Variants in CBL observed in about 807,000 individuals in gnomAD.
The protein encoded by CBL is Cbl proto-oncogene.
A neutral mutation model predicts 96.9 loss-of-function variants in CBL; 45 were observed. That is an observed-to-expected ratio of 0.46 (90% CI 0.37 to 0.60). The LOEUF is 0.60. CBL is among the 20% of genes least tolerant of loss of function. The pLI is 0.00. For synonymous variants in CBL, 420 were observed against 426.8 expected, an observed-to-expected ratio of 0.98 and a Z score of 0.20; for missense variants, 1,024 against 1,143.5, an observed-to-expected ratio of 0.90 and a Z score of 1.51.
intron 2 of CBL, among the ~76,000 whole-genome samples, chr11:119,233,421 A>T (rs748469085): frequency 6.6e-6 from 1 of 151,966 alleles, no homozygotes; most frequent in Non-Finnish European, 1.5e-5. Flanking sequence ...TTTAGTAGAG[A>T]TGGGGTTTCA....
chr11:119,219,793 C>T (rs1343689727), intron 1 of CBL, among the ~76,000 whole-genome samples: 3 of 151,684 alleles, frequency 2.0e-5, no homozygotes, highest in Non-Finnish European at 4.4e-5. Context: ...AAGTGATTCT[C>T]CTGCCTCAGC....
intron 2 of CBL, among the ~76,000 whole-genome samples, chr11:119,244,889 C>T (rs1305841485): frequency 6.6e-6 from 1 of 151,802 alleles, no homozygotes; most frequent in Non-Finnish European, 1.5e-5. Context: ...CTTTGTCACA[C>T]AAGACTGGAG....
chr11:119,208,392 CT>C lies in CBL; in HGVS notation c.195+1793del, dbSNP rs1219956349. 9.9e-3 allele frequency among the ~76,000 whole-genome samples: 1,417 copies of C among 143,240 alleles called. 15 individuals carry two copies. Among genetic ancestry groups the C allele is most frequent in the African/African-American group, 0.029 (1,158 of 39,332 alleles). 94.0% of individuals were successfully genotyped at this position (143,240 alleles called of 152,430 possible). On this transcript the variant is annotated intron_variant, in intron 1 of 15. Coordinates refer to ENST00000264033, the MANE Select transcript of CBL (RefSeq NM_005188.4). ...CTAAAGAGTTTCTGTATTCTGTATT[CT>C]TTTTTTTTTTTTGAGACGGAGTTTT...
intron 12 of CBL, among the ~76,000 whole-genome samples, chr11:119,292,918 A>G (rs544466678): frequency 2.0e-5 from 3 of 152,252 alleles, no homozygotes; most frequent in Admixed American, 2.0e-4. Flanking sequence ...TTGAAAGTGC[A>G]TTTTGACTTA....
At position 119,297,446 on chromosome 11, in the gene CBL, C is replaced by T. The variant is rs2227986; in HGVS notation, c.2216C>T (p.Ser739Phe). The T allele has an allele frequency of 2.7e-4, 439 of 1,613,272 alleles. 4 individuals are homozygous for T. Among genetic ancestry groups the T allele is most frequent in the South Asian group, 2.1e-3 (194 of 91,016 alleles). ...CTYEAMYNIQ[S>F]QAPSITESST... ...TATGAAGCAATGTATAATATTCAGTCCCAGGCGCCATCTATCACCGAGAGC... is the reference window on the plus strand; with the variant it reads ...TATGAAGCAATGTATAATATTCAGTTCCAGGCGCCATCTATCACCGAGAGC... The change falls in exon 14 of 16, where the codon TCC becomes TTC. Residue 739 changes from serine (S) to phenylalanine (F), a missense_variant. Coordinates refer to ENST00000264033, the MANE Select transcript of CBL (RefSeq NM_005188.4).
intron 1 of CBL, among the ~76,000 whole-genome samples, chr11:119,230,312 C>T (rs1949492431): frequency 1.3e-5 from 2 of 152,140 alleles, no homozygotes; most frequent in South Asian, 4.2e-4. Flanking sequence ...GCCACCACGC[C>T]CGGCTAATTT....
At chr11:119,236,343 T>G (rs975195524) in intron 2 of CBL, among the ~76,000 whole-genome samples, 5 of 151,096 alleles carry the variant, frequency 3.3e-5, no homozygotes, top group Non-Finnish European at 7.4e-5. Context: ...CCTTTTGTGG[T>G]TTTTTTTTGT....
rs1459386499 is a variant in CBL at position 119,304,931 on chromosome 11, TC to T, written c.*5151del. 4.1e-5 allele frequency: 8 copies of T among 197,058 alleles called. No homozygotes were observed. The highest frequency in any genetic ancestry group is 3.0e-4 in the Admixed American group (5 of 16,484). 12.2% of individuals were successfully genotyped at this position (197,058 alleles called of 1,614,324 possible). On this transcript the variant is annotated 3_prime_UTR_variant, in exon 16 of 16. Coordinates refer to ENST00000264033, the MANE Select transcript of CBL (RefSeq NM_005188.4). ...TGAGCCACCGCGCCCGGCCCATACT[TC>T]GTATTCTTAAAAAAAACTACACTCA...
rs1027364028 is a variant in CBL at position 119,306,309 on chromosome 11, T to C, written c.*6528T>C. ...ACAGAGCAAAGCCCAAAAGCCAACC[T>C]CAGATCTCCTGATTTGGCAGCTGAA... On this transcript the variant is annotated 3_prime_UTR_variant, in exon 16 of 16. Coordinates refer to ENST00000264033, the MANE Select transcript of CBL (RefSeq NM_005188.4). The C allele has an allele frequency of 2.3e-5, 9 of 398,460 alleles. No individual in the cohort carries two copies. The highest frequency in any genetic ancestry group is 1.3e-4 in the Admixed American group (3 of 22,718). The allele number at this position is 398,460 out of a possible 1,614,324, so 24.7% of individuals were successfully genotyped here. A position where few individuals can be genotyped will look rare whatever the true frequency, so the allele number is the denominator to read the frequency against.
At chr11:119,288,441 T>C (rs1241071162) in intron 12 of CBL, among the ~76,000 whole-genome samples, 2 of 151,706 alleles carry the variant, frequency 1.3e-5, no homozygotes, top group Non-Finnish European at 2.9e-5. Context: ...CATCTCACTA[T>C]GTCCTTACAT....
intron 2 of CBL, among the ~76,000 whole-genome samples, chr11:119,242,488 A>G (rs1318827134): frequency 6.8e-6 from 1 of 147,650 alleles, no homozygotes; most frequent in Non-Finnish European, 1.5e-5. Context: ...CAGTGAGCCA[A>G]GATTGCACCA....
At chr11:119,247,176 T>C (rs1949637517) in intron 2 of CBL, among the ~76,000 whole-genome samples, 1 of 152,180 alleles carries the variant, frequency 6.6e-6, no homozygotes, top group Admixed American at 6.5e-5. Context: ...CATCATTCTT[T>C]CAAGTAAAAA....
chr11:119,218,869 T>G (rs558868178), intron 1 of CBL, among the ~76,000 whole-genome samples: 1 of 152,192 alleles, frequency 6.6e-6, no homozygotes, highest in African/African-American at 2.4e-5. Flanking sequence ...AAGAAAAAAC[T>G]CATATTCCGA....
At chr11:119,261,391 T>G (rs563197477) in intron 2 of CBL, among the ~76,000 whole-genome samples, 77 of 152,350 alleles carry the variant, frequency 5.1e-4, no homozygotes, top group African/African-American at 1.8e-3. Context: ...AATCGATGTC[T>G]AAGTTACATA....
At chr11:119,239,699 T>C (rs1949570814) in intron 2 of CBL, among the ~76,000 whole-genome samples, 1 of 152,196 alleles carries the variant, frequency 6.6e-6, no homozygotes, top group African/African-American at 2.4e-5. Context: ...CCATTGAGTA[T>C]ATTAGCTGTG....
At chr11:119,281,653 C>T (rs1372637481) in intron 9 of CBL, among the ~76,000 whole-genome samples, 4 of 152,100 alleles carry the variant, frequency 2.6e-5, no homozygotes, top group Admixed American at 2.0e-4. Context: ...TGCCACCACG[C>T]CTGGCTAATT....
intron 2 of CBL, among the ~76,000 whole-genome samples, chr11:119,239,585 ATC>A (rs1949569994): frequency 1.3e-5 from 2 of 151,830 alleles, no homozygotes; most frequent in Admixed American, 1.3e-4. Context: ...CATGCATTTT[ATC>A]TCTTTTTCTT....
chr11:119,207,347 C>CT (rs1802532942), intron 1 of CBL, among the ~76,000 whole-genome samples: 1 of 152,192 alleles, frequency 6.6e-6, no homozygotes, highest in African/African-American at 2.4e-5. Flanking sequence ...GAAAGATGGA[C>CT]TGGCTGAGCC....
chr11:119,254,722 C>G (rs1193254921), intron 2 of CBL, among the ~76,000 whole-genome samples: 5 of 152,024 alleles, frequency 3.3e-5, no homozygotes, highest in Admixed American at 3.3e-4. Flanking sequence ...CTGCCTCAGA[C>G]TCCTGAGTAG....
Sources: allele counts gnomAD v4.1 joint callset (sites outside exome capture counted in the v4.1 genomes callset), GRCh38; gene constraint gnomAD v4.1.1; transcripts MANE v1.5; gene names NCBI Gene and HGNC (gene_info 2026-07-23, HGNC 2026-07-21).